Variants in ADCY8 observed in about 807,000 individuals in gnomAD.
ADCY8 encodes the protein adenylate cyclase type 8.
A neutral mutation model predicts 119.7 loss-of-function variants in ADCY8; 51 were observed. The ratio of observed to expected loss-of-function variants is 0.43; its 90% CI spans 0.34 to 0.54. The LOEUF is 0.54. Among genes scored for constraint, ADCY8 ranks in the 20% least tolerant of loss-of-function variants. ADCY8 has a pLI of 0.03. For synonymous variants in ADCY8, 665 were observed against 651.0 expected, an observed-to-expected ratio of 1.02 and a Z score of -0.33; for missense variants, 1,383 against 1,598.8, an observed-to-expected ratio of 0.87 and a Z score of 2.30.
At chr8:130,817,411 G>C (rs1456652810) in intron 13 of ADCY8, among the ~76,000 whole-genome samples, 1 of 152,182 alleles carries the variant, frequency 6.6e-6, no homozygotes, top group Non-Finnish European at 1.5e-5. Context: ...CTAAATATCA[G>C]TTCCTACAAA....
intron 15 of ADCY8, among the ~76,000 whole-genome samples, chr8:130,788,293 G>T (rs1042678786): frequency 6.6e-6 from 1 of 152,112 alleles, no homozygotes; most frequent in East Asian, 1.9e-4. Flanking sequence ...TATACACAAC[G>T]GAATACTATT....
intron 5 of ADCY8, among the ~76,000 whole-genome samples, chr8:130,923,745 A>G (rs1820382242): frequency 6.6e-6 from 1 of 152,216 alleles, no homozygotes; most frequent in Admixed American, 6.5e-5. Context: ...TATTTTAATT[A>G]ATTTAATTTT....
chr8:130,839,391 T>C lies in ADCY8; in HGVS notation c.2503-2942A>G, dbSNP rs570996915. Among the ~76,000 whole-genome samples the C allele has an allele frequency of 5.0e-5, 7 of 139,514 alleles. 1 individual carries two copies. The highest frequency in any genetic ancestry group is 1.7e-4 in the African/African-American group (7 of 40,912). 91.5% of individuals were successfully genotyped at this position (139,514 alleles called of 152,430 possible). A position where few individuals can be genotyped will look rare whatever the true frequency, so the allele number is the denominator to read the frequency against. On this transcript the variant is annotated intron_variant, in intron 11 of 17. Transcript: ENST00000286355. ...AACTTTTTACTTTAAAGTAGAAAGG[T>C]GAACCTTTTGGAGGTGATATGAACC... is the stretch of plus-strand genomic sequence containing the variant.
At chr8:130,997,613 G>A (rs1335391522) in intron 1 of ADCY8, among the ~76,000 whole-genome samples, 2 of 152,044 alleles carry the variant, frequency 1.3e-5, no homozygotes, top group African/African-American at 4.8e-5. Context: ...TCCTGATATT[G>A]GCCAGTAACT....
intron 7 of ADCY8, among the ~76,000 whole-genome samples, chr8:130,888,473 C>A (rs915090973): frequency 6.6e-6 from 1 of 152,044 alleles, no homozygotes; most frequent in Non-Finnish European, 1.5e-5. Context: ...GCTGAGATGG[C>A]CTCTCATGAC....
intron 2 of ADCY8, among the ~76,000 whole-genome samples, chr8:130,973,768 G>T (rs781339139): frequency 6.6e-6 from 1 of 152,212 alleles, no homozygotes; most frequent in Non-Finnish European, 1.5e-5. Flanking sequence ...GTTGTGTGTG[G>T]CTGTTGTCAC....
intron 2 of ADCY8, among the ~76,000 whole-genome samples, chr8:130,963,967 G>A (rs777814880): frequency 3.9e-4 from 59 of 152,290 alleles, no homozygotes; most frequent in South Asian, 6.2e-4. Flanking sequence ...CCACCCCAAT[G>A]TTTTAGACTG....
At chr8:130,995,254 C>T (rs368224556) in intron 1 of ADCY8, among the ~76,000 whole-genome samples, 2 of 152,236 alleles carry the variant, frequency 1.3e-5, no homozygotes, top group South Asian at 4.1e-4. Context: ...TGACCCTAAA[C>T]AGAGGATTGG....
chr8:130,918,660 C>T (rs547930277), intron 5 of ADCY8, among the ~76,000 whole-genome samples: 2 of 152,256 alleles, frequency 1.3e-5, no homozygotes, highest in East Asian at 3.9e-4. Context: ...AGGGATGTAG[C>T]TTTCAACATT....
chr8:130,858,215 C>A (rs1165479769), intron 9 of ADCY8, among the ~76,000 whole-genome samples: 1 of 152,200 alleles, frequency 6.6e-6, no homozygotes, highest in Non-Finnish European at 1.5e-5. Context: ...AGACCATAAT[C>A]TAGCCCTGAG....
At chr8:130,814,881 A>AT (rs1318816584) in intron 13 of ADCY8, among the ~76,000 whole-genome samples, 2 of 152,138 alleles carry the variant, frequency 1.3e-5, no homozygotes, top group African/African-American at 4.8e-5. Context: ...AAACCATATC[A>AT]TATCGTCAGA....
At chr8:130,957,231 C>G (rs6470871) in intron 2 of ADCY8, among the ~76,000 whole-genome samples, 149,751 of 152,310 alleles carry the variant, frequency 0.98, 73,629 homozygotes, top group African/African-American at 1. Flanking sequence ...AGATGGAGAT[C>G]AGGAACTTGT....
intron 15 of ADCY8, 70 bp from the exon 16 acceptor site, chr8:130,785,545 A>T (rs1213578332): frequency 1.7e-6 from 2 of 1,176,524 alleles, no homozygotes; most frequent in Non-Finnish European, 2.4e-6. Flanking sequence ...TCCTGAAAAC[A>T]GGCCCCTGGC....
intron 1 of ADCY8, among the ~76,000 whole-genome samples, chr8:131,023,841 G>T (rs1428767306): frequency 6.6e-6 from 1 of 152,048 alleles, no homozygotes. Context: ...TGGCTAGTTG[G>T]GTCTTTTTTG....
At chr8:130,925,559 G>GC (rs1178951495) in intron 5 of ADCY8, among the ~76,000 whole-genome samples, 1 of 152,072 alleles carries the variant, frequency 6.6e-6, no homozygotes, top group East Asian at 1.9e-4. Context: ...CCTGTCAAGG[G>GC]CCCCCCAACC....
chr8:130,805,572 C>T (rs116923789), intron 14 of ADCY8, among the ~76,000 whole-genome samples: 1 of 152,202 alleles, frequency 6.6e-6, no homozygotes, highest in Non-Finnish European at 1.5e-5. Context: ...TGGGACTCAC[C>T]CCTCCTTTCC....
intron 1 of ADCY8, among the ~76,000 whole-genome samples, chr8:131,016,526 G>A (rs528830461): frequency 6.6e-6 from 1 of 152,196 alleles, no homozygotes; most frequent in East Asian, 1.9e-4. Context: ...AATAAAAAAA[G>A]AATGTCACAG....
chr8:130,870,009 T>C (rs1451381401), intron 8 of ADCY8, among the ~76,000 whole-genome samples: 1 of 124,190 alleles, frequency 8.1e-6, no homozygotes, highest in Admixed American at 9.3e-5. Flanking sequence ...CTTCCTCTTC[T>C]TTCTTCTTCT....
intron 5 of ADCY8, among the ~76,000 whole-genome samples, chr8:130,925,109 G>T (rs771956983): frequency 3.3e-5 from 5 of 152,058 alleles, no homozygotes; most frequent in Non-Finnish European, 2.9e-5. Flanking sequence ...GGAGGCTGAG[G>T]CAGGAGAATT....
Sources: gnomAD v4.1 joint callset for allele counts (sites outside exome capture counted in the v4.1 genomes callset) on GRCh38, gnomAD v4.1.1 for gene constraint, MANE v1.5 for transcripts, NCBI Gene and HGNC (gene_info 2026-07-23, HGNC 2026-07-21) for gene names.